ATP6V0A2: variants seen among roughly 807,000 people sequenced by gnomAD.
ATP6V0A2 encodes ATPase H+ transporting V0 subunit a2.
A neutral mutation model predicts 104.4 loss-of-function variants in ATP6V0A2; 58 were observed. The ratio of observed to expected loss-of-function variants is 0.56; its 90% CI spans 0.45 to 0.69. The LOEUF (loss-of-function observed/expected upper bound fraction) is 0.69, where lower values mean the gene tolerates loss of function less well. Among genes scored for constraint, ATP6V0A2 ranks in the 30% least tolerant of loss-of-function variants. The pLI is 0.00. For missense variants in ATP6V0A2, 938 were observed against 1,062.9 expected (o/e 0.88, Z 1.63); for synonymous variants, 376 against 397.9 (o/e 0.95, Z 0.65).
intron 1 of ATP6V0A2, among the ~76,000 whole-genome samples, chr12:123,713,780 G>A (rs966528695): frequency 6.6e-6 from 1 of 152,082 alleles, no homozygotes; most frequent in Non-Finnish European, 1.5e-5. Flanking sequence ...TTATTTCCTG[G>A]CCACCACTTT....
At chr12:123,756,728 T>C in intron 18 of ATP6V0A2, 87 bp from the exon 19 acceptor site, 1 of 1,435,258 alleles carries the variant, frequency 7.0e-7, no homozygotes, top group Non-Finnish European at 9.8e-7. Flanking sequence ...TTCAGGGCCG[T>C]CAGGGGGAAA....
intron 8 of ATP6V0A2, 93 bp downstream of exon 8, chr12:123,735,717 G>A: frequency 9.5e-7 from 1 of 1,054,584 alleles, no homozygotes. Context: ...GATAATATTG[G>A]TCGTAGACAA....
At chr12:123,755,390 G>T (rs1235512337) in intron 18 of ATP6V0A2, among the ~76,000 whole-genome samples, 2 of 152,044 alleles carry the variant, frequency 1.3e-5, no homozygotes, top group Admixed American at 6.6e-5. Context: ...ACAAAAATTA[G>T]CTGGTTGTGG....
chr12:123,754,329 C>G, intron 17 of ATP6V0A2, 91 bp from the exon 18 acceptor site: 1 of 1,008,140 alleles, frequency 9.9e-7, no homozygotes, highest in Non-Finnish European at 1.6e-6. Flanking sequence ...GCAGCTCTTT[C>G]ATTGTAATCC....
At chr12:123,718,498 T>C in intron 1 of ATP6V0A2, 125 bp from the exon 2 acceptor site, 1 of 673,240 alleles carries the variant, frequency 1.5e-6, no homozygotes, top group Non-Finnish European at 2.5e-6. Context: ...GTTGTGTCAG[T>C]TTATAGTTTC....
chr12:123,736,983 A>G (rs1436775714), intron 8 of ATP6V0A2, 76 bp from the exon 9 acceptor site: 1 of 1,409,198 alleles, frequency 7.1e-7, no homozygotes, highest in East Asian at 2.3e-5. Flanking sequence ...AAAGTCCTCT[A>G]AGGGAAGTCG....
chr12:123,721,275 T>G (rs76384067), intron 2 of ATP6V0A2: 4,956 of 201,118 alleles, frequency 0.025, 212 homozygotes, highest in African/African-American at 0.087. Flanking sequence ...AACCACTTGT[T>G]CTTGCCAGTC....
In ATP6V0A2 at chr12:123,754,465, G is replaced by A. The variant is rs1255472515; in HGVS notation, c.2221G>A (p.Glu741Lys). ...AATGACCCAAGTAATCCATTCCATC[G>A]AGTACTGTCTGGGATGCATCTCCAA... ...ILMTQVIHSI[E>K]YCLGCISNTA... The change falls in exon 18 of 20, where the codon GAG becomes AAG. Residue 741 changes from glutamate (E) to lysine (K), a missense_variant. Transcript: ENST00000330342. 3 of 1,614,076 alleles carry A rather than the reference G, an allele frequency of 1.9e-6. No homozygotes were observed. The highest frequency in any genetic ancestry group is 1.1e-5 in the South Asian group (1 of 91,068).
intron 1 of ATP6V0A2, 108 bp from the exon 2 acceptor site, chr12:123,718,515 T>C (rs1007162337): frequency 1.6e-5 from 12 of 727,664 alleles, no homozygotes; most frequent in African/African-American, 5.4e-5. Flanking sequence ...TTTCATTCAA[T>C]AGTATACAAG....
At chr12:123,721,926 TCTATCA>T (rs1375269547) in intron 2 of ATP6V0A2, among the ~76,000 whole-genome samples, 1 of 152,202 alleles carries the variant, frequency 6.6e-6, no homozygotes, top group Non-Finnish European at 1.5e-5. Context: ...CTATTGTAGG[TCTATCA>T]CTTGGGTAAT....
intron 7 of ATP6V0A2, among the ~76,000 whole-genome samples, chr12:123,734,460 C>T (rs1231913603): frequency 6.6e-6 from 1 of 152,174 alleles, no homozygotes; most frequent in Non-Finnish European, 1.5e-5. Context: ...GTCGCTGTCT[C>T]ACTGGACTCA....
At chr12:123,716,163 T>G (rs1397082331) in intron 1 of ATP6V0A2, among the ~76,000 whole-genome samples, 1 of 151,582 alleles carries the variant, frequency 6.6e-6, no homozygotes, top group African/African-American at 2.4e-5. Context: ...GCCTCCCAGG[T>G]TCAAGTGATT....
chr12:123,727,763 T>C lies in ATP6V0A2; in HGVS notation c.522-20T>C, dbSNP rs759587231. The C allele has an allele frequency of 6.2e-7, 1 of 1,613,966 alleles. No individual in the cohort carries two copies. The highest frequency in any genetic ancestry group is 8.5e-7 in the Non-Finnish European group (1 of 1,179,986). ...TTTATTGCTTTCAGTTGACTACAGG[T>C]TGACTTTACTGTCTCACAGATTTGT... On this transcript the variant is annotated intron_variant, in intron 5 of 19. Coordinates refer to ENST00000330342, the MANE Select transcript of ATP6V0A2 (RefSeq NM_012463.4).
chr12:123,744,349 A>C lies in ATP6V0A2; in HGVS notation c.1326+12A>C, dbSNP rs1956638932. The C allele has an allele frequency of 1.2e-6, 2 of 1,614,092 alleles. No homozygotes were observed. The highest frequency in any genetic ancestry group is 1.7e-6 in the Non-Finnish European group (2 of 1,180,044). On this transcript the variant is annotated intron_variant, in intron 11 of 19. Coordinates refer to ENST00000330342, the MANE Select transcript of ATP6V0A2 (RefSeq NM_012463.4). This position sits in a 1 kb window ranked among gnomAD's most constrained non-coding sequence, Gnocchi z 5.4. ...ATCAGTCACAAGAGGTAAAAATATA[A>C]ACACTCCAGCTCATATATCTGGTTA... is the stretch of plus-strand genomic sequence containing the variant.
intron 7 of ATP6V0A2, among the ~76,000 whole-genome samples, chr12:123,735,142 C>CATGT (rs1555297418): frequency 2.3e-4 from 34 of 148,502 alleles, no homozygotes; most frequent in African/African-American, 8.2e-4. Context: ...CTTTTGTTTT[C>CATGT]GTGTGTGTGT....
rs751099257 is a variant in ATP6V0A2 at position 123,744,377 on chromosome 12, T to C, written c.1326+40T>C. The C allele has an allele frequency of 7.4e-6, 12 of 1,613,686 alleles. No homozygotes were observed. Among genetic ancestry groups the C allele is most frequent in the Middle Eastern group, 3.3e-4 (2 of 6,054 alleles). On this transcript the variant is annotated intron_variant, in intron 11 of 19. Coordinates refer to ENST00000330342, the MANE Select transcript of ATP6V0A2 (RefSeq NM_012463.4). This position sits in a 1 kb window ranked among gnomAD's most constrained non-coding sequence, Gnocchi z 5.4. ...ACTCCAGCTCATATATCTGGTTAGG[T>C]GGCATTAGCAGTGACCGAAAGAGAG...
Position 123,737,637 on chromosome 12 carries a change from AATTC to A in ATP6V0A2, c.1038+372_1038+375del, listed in dbSNP as rs1956568391. 4 of 313,334 alleles carry A rather than the reference AATTC, an allele frequency of 1.3e-5. No individual in the cohort carries two copies. In the Admixed American group the frequency reaches 1.8e-4, roughly 14 times the overall value. 19.4% of individuals were successfully genotyped at this position (313,334 alleles called of 1,614,324 possible). On this transcript the variant is annotated intron_variant, in intron 9 of 19. Coordinates refer to ENST00000330342, the MANE Select transcript of ATP6V0A2 (RefSeq NM_012463.4). ...GTGTTTTTAAATTGCTCTTTTGAGT[AATTC>A]ATTCACATGGTGTAAAAGTGAAAAG...
intron 6 of ATP6V0A2, among the ~76,000 whole-genome samples, chr12:123,729,289 G>T (rs985165447): frequency 7.0e-6 from 1 of 142,882 alleles, no homozygotes; most frequent in South Asian, 2.2e-4. Flanking sequence ...CCTCTCACAC[G>T]GCTCTGGAAT....
intron 5 of ATP6V0A2, among the ~76,000 whole-genome samples, 172 bp downstream of exon 5, chr12:123,726,457 C>T (rs1956449980): frequency 6.6e-6 from 1 of 152,168 alleles, no homozygotes; most frequent in Admixed American, 6.5e-5. Context: ...CTGAATTACT[C>T]AGCTGTATTG....
Sources: allele counts gnomAD v4.1 joint callset (sites outside exome capture counted in the v4.1 genomes callset), GRCh38; gene constraint gnomAD v4.1.1; non-coding constraint Gnocchi (gnomAD v3.1); transcripts MANE v1.5; gene names NCBI Gene and HGNC (gene_info 2026-07-23, HGNC 2026-07-21).